ANK2: variants seen among roughly 807,000 people sequenced by gnomAD.
ANK2 encodes ankyrin-2.
Under a neutral mutation model 360.5 loss-of-function variants are expected in ANK2, and 83 were observed. The observed-to-expected ratio is 0.23, with a 90% confidence interval of 0.19 to 0.28. The LOEUF (loss-of-function observed/expected upper bound fraction) is 0.28. ANK2 is among the 10% of genes least tolerant of loss of function. The probability of loss-of-function intolerance (pLI) is 1.00; values close to 1 mark genes in which losing one functional copy is unlikely to be tolerated. For synonymous variants in ANK2, 1,740 were observed against 1,759.5 expected (o/e 0.99, Z 0.28); for missense variants, 4,201 against 4,795.7 (o/e 0.88, Z 3.66).
At chr4:112,928,062 T>C (rs929067637) in intron 2 of ANK2, among the ~76,000 whole-genome samples, 6 of 152,210 alleles carry the variant, frequency 3.9e-5, no homozygotes, top group South Asian at 2.1e-4. Context: ...AGTACACTTT[T>C]GGAATATGTC....
At chr4:112,729,804 A>G in the ANK2 span, among the ~76,000 whole-genome samples, 1 of 151,960 alleles carries the variant, frequency 6.6e-6, no homozygotes. Flanking sequence ...GTATATATGC[A>G]CAACTACTCA....
intron 2 of ANK2, among the ~76,000 whole-genome samples, chr4:112,987,562 C>T (rs78202787): frequency 0.012 from 1,877 of 152,180 alleles, 19 homozygotes; most frequent in South Asian, 0.021. Context: ...AAATGACCAA[C>T]TGGCTCTCAG....
Position 113,149,711 on chromosome 4 carries a change from C to CA in ANK2, c.85-24698dup, listed in dbSNP as rs567540157. ...GCATCATGGCAGGACCCTGTTTCTA[C>CA]AAAAAAATACAAAAATTAGCTGGGT... On this transcript the variant is annotated intron_variant, in intron 1 of 45. Coordinates refer to ENST00000357077, the MANE Select transcript of ANK2 (RefSeq NM_001148.6). Among the ~76,000 whole-genome samples, 347 of 150,558 alleles carry CA rather than the reference C, an allele frequency of 2.3e-3. 1 individual carries two copies. Among genetic ancestry groups the CA allele is most frequent in the African/African-American group, 7.9e-3 (324 of 41,038 alleles).
At chr4:113,367,519 C>T (rs2096580712) in intron 41 of ANK2, 47 bp from the exon 42 acceptor site, 2 of 1,560,166 alleles carry the variant, frequency 1.3e-6, no homozygotes, top group East Asian at 4.5e-5. Flanking sequence ...AATATCCATT[C>T]AATATAGGTA....
At chr4:112,915,254 G>A (rs190792024) in intron 2 of ANK2, among the ~76,000 whole-genome samples, 15 of 152,194 alleles carry the variant, frequency 9.9e-5, no homozygotes, top group Middle Eastern at 3.4e-3. Flanking sequence ...TTCATGATGG[G>A]AGCTCAGCAA....
intron 10 of ANK2, among the ~76,000 whole-genome samples, chr4:113,252,746 T>G (rs2047147085): frequency 6.6e-6 from 1 of 152,176 alleles, no homozygotes; most frequent in African/African-American, 2.4e-5. Flanking sequence ...AATTTCATAG[T>G]CATTTATGCT....
the ANK2 span, among the ~76,000 whole-genome samples, chr4:112,789,860 C>T: frequency 3.9e-5 from 6 of 152,162 alleles, no homozygotes; most frequent in Admixed American, 2.6e-4. Flanking sequence ...AAATGTGAAA[C>T]TAAACCAAAA....
At chr4:113,310,379 G>A (rs2153817253) in intron 23 of ANK2, among the ~76,000 whole-genome samples, 1 of 152,172 alleles carries the variant, frequency 6.6e-6, no homozygotes, top group Non-Finnish European at 1.5e-5. Flanking sequence ...TTGGGGAGTA[G>A]GGGTGGGGTA....
At chr4:113,316,589 T>G (rs1419019726) in intron 24 of ANK2, among the ~76,000 whole-genome samples, 1 of 152,232 alleles carries the variant, frequency 6.6e-6, no homozygotes, top group East Asian at 1.9e-4. Context: ...AAATGAAAGT[T>G]TGCTTCTATA....
At chr4:113,222,972 G>T (rs1239287667) in intron 4 of ANK2, among the ~76,000 whole-genome samples, 1 of 152,066 alleles carries the variant, frequency 6.6e-6, no homozygotes, top group Non-Finnish European at 1.5e-5. Flanking sequence ...CATATATTTT[G>T]TCCTTTTCCC....
the ANK2 span, among the ~76,000 whole-genome samples, chr4:112,779,513 G>A: frequency 1.3e-5 from 2 of 151,250 alleles, no homozygotes; most frequent in South Asian, 4.2e-4. Flanking sequence ...AGCGGGACTC[G>A]GTCTCTAAAA....
the ANK2 span, among the ~76,000 whole-genome samples, chr4:112,733,117 T>G: frequency 6.4e-4 from 98 of 152,218 alleles, no homozygotes; most frequent in African/African-American, 2.1e-3. Flanking sequence ...ATCTGGAGGC[T>G]GAGGCAGAGA....
intron 1 of ANK2, chr4:113,149,278 A>G (rs1400208012): frequency 6.6e-6 from 1 of 152,188 alleles, no homozygotes; most frequent in Admixed American, 6.5e-5. Context: ...TAAAAGAAAT[A>G]GAGGGGTGTG....
Position 113,356,745 on chromosome 4 carries a change from A to G in ANK2, c.8127A>G (p.Gln2709=), listed in dbSNP as rs1191897348. The G allele has an allele frequency of 1.2e-6, 2 of 1,614,006 alleles. No homozygotes were observed. Among genetic ancestry groups the G allele is most frequent in the Admixed American group, 1.7e-5 (1 of 60,002 alleles). ...CCAATTCCAGTCCAGAAGAAGTACA[A>G]TTCCAGCCTGTCGTTTCCAAACAAT... is the stretch of plus-strand genomic sequence containing the variant. ...MDSNSSPEEV[Q]FQPVVSKQYT... The change falls in exon 38 of 46, where the codon CAA becomes CAG. Residue 2709 remains glutamine (Q), a synonymous_variant. Coordinates refer to ENST00000357077, the MANE Select transcript of ANK2 (RefSeq NM_001148.6).
At chr4:112,730,522 A>G in the ANK2 span, among the ~76,000 whole-genome samples, 1 of 150,158 alleles carries the variant, frequency 6.7e-6, no homozygotes. Flanking sequence ...CAGTAATCCC[A>G]GCTACTTGAG....
chr4:113,031,743 T>C (rs960601453), intron 2 of ANK2, among the ~76,000 whole-genome samples: 10 of 152,066 alleles, frequency 6.6e-5, no homozygotes, highest in Middle Eastern at 3.4e-3. Context: ...TAAACAAGAA[T>C]TGAGAAATCC....
chr4:112,830,415 G>C (rs191200172), intron 1 of ANK2, among the ~76,000 whole-genome samples: 120 of 152,284 alleles, frequency 7.9e-4, no homozygotes, highest in African/African-American at 2.8e-3. Flanking sequence ...CAAAATACCA[G>C]ATGTTCTCAT....
chr4:113,263,830 C>G (rs1315738778), intron 13 of ANK2, among the ~76,000 whole-genome samples: 3 of 151,938 alleles, frequency 2.0e-5, no homozygotes, highest in African/African-American at 7.3e-5. Context: ...TGAATGAAAC[C>G]CTGCCTTCTT....
intron 1 of ANK2, among the ~76,000 whole-genome samples, chr4:112,853,961 G>A (rs2065684259): frequency 6.6e-6 from 1 of 152,174 alleles, no homozygotes; most frequent in Non-Finnish European, 1.5e-5. Context: ...AATAATGTTA[G>A]GCATAAGAGT....
Sources: allele counts gnomAD v4.1 joint callset (sites outside exome capture counted in the v4.1 genomes callset), GRCh38; gene constraint gnomAD v4.1.1; transcripts MANE v1.5; gene names NCBI Gene and HGNC (gene_info 2026-07-23, HGNC 2026-07-21).